CSNK1G1: variants seen among roughly 807,000 people sequenced by gnomAD.
CSNK1G1 encodes casein kinase I isoform gamma-1.
Under a neutral mutation model 59.6 loss-of-function variants are expected in CSNK1G1, and 22 were observed. That is an observed-to-expected ratio of 0.37 (90% CI 0.26 to 0.53). The LOEUF is 0.53. CSNK1G1 is among the 20% of genes least tolerant of loss of function. The pLI is 0.89. For synonymous variants in CSNK1G1, 179 were observed against 177.1 expected, an observed-to-expected ratio of 1.01 and a Z score of -0.08; for missense variants, 384 against 519.5, an observed-to-expected ratio of 0.74 and a Z score of 2.54.
At chr15:64,230,960 C>T (rs147708244) in intron 4 of CSNK1G1, among the ~76,000 whole-genome samples, 6,514 of 151,478 alleles carry the variant, frequency 0.043, 157 homozygotes, top group South Asian at 0.079. Context: ...GGTGACAGAG[C>T]GAGAATCCGT....
Position 64,352,447 on chromosome 15 carries a change from C to CTTTTTTTTTTTTTTTTTTTTTTT in CSNK1G1, c.-225+3540_-225+3541insAAAAAAAAAAAAAAAAAAAAAAA, listed in dbSNP as rs1165768581. 2.7e-4 allele frequency among the ~76,000 whole-genome samples: 24 copies of CTTTTTTTTTTTTTTTTTTTTTTT among 89,430 alleles called. 2 individuals carry two copies. The highest frequency in any genetic ancestry group is 7.9e-4 in the African/African-American group (18 of 22,738). The allele number at this position is 89,430 out of a possible 152,430, so 58.7% of individuals were successfully genotyped here. Reference sequence around the variant, plus strand: ...ATCACAAAACATAATTTGAATTCTTCTTTTTTTTTTTTTTTTTTTGAGATG... The same window carrying CTTTTTTTTTTTTTTTTTTTTTTT: ...ATCACAAAACATAATTTGAATTCTTCTTTTTTTTTTTTTTTTTTTTTTTTTTTTTTTTTTTTTTTTTTGAGATG... On this transcript the variant is annotated intron_variant, in intron 1 of 11. Transcript: ENST00000303052.
intron 11 of CSNK1G1, among the ~76,000 whole-genome samples, chr15:64,178,601 C>T (rs1024869051): frequency 6.6e-6 from 1 of 151,738 alleles, no homozygotes; most frequent in Non-Finnish European, 1.5e-5. Context: ...CCTGCCTCAG[C>T]CTCCTGAGTA....
intron 2 of CSNK1G1, among the ~76,000 whole-genome samples, chr15:64,275,389 C>A (rs1408157898): frequency 6.6e-6 from 1 of 152,024 alleles, no homozygotes; most frequent in Non-Finnish European, 1.5e-5. Flanking sequence ...ATAACGATAG[C>A]AATACAACTC....
intron 10 of CSNK1G1, among the ~76,000 whole-genome samples, chr15:64,197,316 C>T (rs1377483997): frequency 6.6e-6 from 1 of 152,310 alleles, no homozygotes; most frequent in East Asian, 1.9e-4. Context: ...CATCTCTATG[C>T]CTTGACTCCC....
At chr15:64,287,112 T>C (rs1894469677) in intron 2 of CSNK1G1, among the ~76,000 whole-genome samples, 1 of 152,210 alleles carries the variant, frequency 6.6e-6, no homozygotes, top group African/African-American at 2.4e-5. Flanking sequence ...CCGGTAAGAC[T>C]ACATGGCATA....
intron 4 of CSNK1G1, among the ~76,000 whole-genome samples, chr15:64,225,441 C>T (rs1008289997): frequency 6.6e-6 from 1 of 152,254 alleles, no homozygotes. Flanking sequence ...GGTTTTGGTC[C>T]ATTCTGGGAC....
chr15:64,221,699 T>C (rs982266637), intron 4 of CSNK1G1, among the ~76,000 whole-genome samples: 2 of 151,700 alleles, frequency 1.3e-5, no homozygotes, highest in Non-Finnish European at 1.5e-5. Flanking sequence ...TATTCATCTG[T>C]AAAGAGGAGG....
intron 1 of CSNK1G1, among the ~76,000 whole-genome samples, chr15:64,325,985 T>C (rs1286885574): frequency 6.6e-6 from 1 of 152,180 alleles, no homozygotes; most frequent in East Asian, 1.9e-4. Flanking sequence ...AACCTTTGCA[T>C]CTCAGCTTTC....
chr15:64,338,748 T>C (rs1035198744), intron 1 of CSNK1G1, among the ~76,000 whole-genome samples: 3 of 130,400 alleles, frequency 2.3e-5, no homozygotes, highest in Admixed American at 1.7e-4. Context: ...CCGGGCGCGA[T>C]AGCTTACACC....
At chr15:64,338,880 G>A (rs73448531) in intron 1 of CSNK1G1, among the ~76,000 whole-genome samples, 2,409 of 151,846 alleles carry the variant, frequency 0.016, 67 homozygotes, top group African/African-American at 0.055. Flanking sequence ...AGCCAAGGAT[G>A]GTGCTGCATG....
At chr15:64,199,111 C>T (rs181915042) in intron 10 of CSNK1G1, among the ~76,000 whole-genome samples, 18 of 149,784 alleles carry the variant, frequency 1.2e-4, no homozygotes, top group South Asian at 2.1e-4. Flanking sequence ...ATTAGCTGGG[C>T]GTGGTGGCGT....
intron 7 of CSNK1G1, among the ~76,000 whole-genome samples, 200 bp downstream of exon 7, chr15:64,207,309 G>A (rs913337797): frequency 6.6e-6 from 1 of 152,106 alleles, no homozygotes; most frequent in Admixed American, 6.6e-5. Context: ...TAGAGATGGG[G>A]TCTCACTATG....
intron 1 of CSNK1G1, among the ~76,000 whole-genome samples, chr15:64,339,889 C>A (rs1897597981): frequency 6.6e-6 from 1 of 152,146 alleles, no homozygotes; most frequent in Non-Finnish European, 1.5e-5. Context: ...CAAACTCTCA[C>A]AGAGTATTTA....
intron 4 of CSNK1G1, among the ~76,000 whole-genome samples, chr15:64,242,428 C>G (rs774197656): frequency 2.0e-5 from 3 of 152,116 alleles, no homozygotes; most frequent in Non-Finnish European, 4.4e-5. Flanking sequence ...CTTCTTCCTA[C>G]TTTTGTATTG....
intron 2 of CSNK1G1, among the ~76,000 whole-genome samples, chr15:64,297,397 A>G (rs781486903): frequency 1.3e-5 from 2 of 152,096 alleles, no homozygotes; most frequent in Non-Finnish European, 2.9e-5. Context: ...TTGCAAGTGT[A>G]AAGGCTCTGA....
intron 2 of CSNK1G1, among the ~76,000 whole-genome samples, chr15:64,273,917 G>A (rs1893465173): frequency 6.6e-6 from 1 of 152,150 alleles, no homozygotes; most frequent in Non-Finnish European, 1.5e-5. Flanking sequence ...ATCATTCCAC[G>A]CTACTATGAT....
rs149349257 is a variant in CSNK1G1, at chr15:64,227,845, C to T, written c.293-11132G>A. Among the ~76,000 whole-genome samples, 16 of 152,316 alleles carry T rather than the reference C, an allele frequency of 1.1e-4. No homozygotes were observed. The East Asian group carries it at 3.1e-3, about 29-fold the overall frequency. ...ATCTCTCAATTCCAGATTCACTGTT[C>T]TCTTCTCTACACTAAGCTGCCTACA... On this transcript the variant is annotated intron_variant, in intron 4 of 11. Transcript: ENST00000303052.
intron 2 of CSNK1G1, among the ~76,000 whole-genome samples, chr15:64,259,617 T>G (rs1191986231): frequency 1.3e-5 from 2 of 151,924 alleles, no homozygotes; most frequent in African/African-American, 4.8e-5. Context: ...CTTGGCACAA[T>G]AAACACAAAC....
intron 7 of CSNK1G1, among the ~76,000 whole-genome samples, chr15:64,206,586 CAAAAAAAAAAAAAA>C (rs36192246): frequency 1.6e-4 from 8 of 49,706 alleles, no homozygotes; most frequent in Non-Finnish European, 2.6e-4. Context: ...AACTCTGTCT[CAAAAAAAAAAAAAA>C]AAAAAAAAAA....
Sources: allele counts gnomAD v4.1 joint callset (sites outside exome capture counted in the v4.1 genomes callset), GRCh38; gene constraint gnomAD v4.1.1; transcripts MANE v1.5; gene names NCBI Gene and HGNC (gene_info 2026-07-23, HGNC 2026-07-21).